Variants in KHDRBS2 observed in about 807,000 individuals in gnomAD.
KHDRBS2 encodes KH domain-containing, RNA-binding, signal transduction-associated protein 2.
Under a neutral mutation model 44.3 loss-of-function variants are expected in KHDRBS2, and 26 were observed. The observed-to-expected ratio is 0.59, with a 90% CI of 0.43 to 0.81. The LOEUF (loss-of-function observed/expected upper bound fraction) is 0.81, where lower values mean the gene tolerates loss of function less well. KHDRBS2 is among the 40% of genes least tolerant of loss of function. The pLI, the probability that KHDRBS2 is intolerant of heterozygous loss-of-function variation, is 0.00. For synonymous variants in KHDRBS2, 194 were observed against 151.1 expected (o/e 1.28, Z -2.08); for missense variants, 476 against 433.1 (o/e 1.10, Z -0.88).
chr6:61,969,289 G>A (rs1583863135), intron 4 of KHDRBS2, among the ~76,000 whole-genome samples: 1 of 152,098 alleles, frequency 6.6e-6, no homozygotes, highest in East Asian at 1.9e-4. Context: ...CTAGAGAAAA[G>A]GTTATTCTCC....
chr6:61,635,398 T>C, the KHDRBS2 span, among the ~76,000 whole-genome samples: 1 of 151,980 alleles, frequency 6.6e-6, no homozygotes, highest in Non-Finnish European at 1.5e-5. Context: ...AAAACCGTAA[T>C]GTCTGCAAAT....
Position 61,945,129 on chromosome 6 carries a change from A to G in KHDRBS2, c.483+32937T>C, listed in dbSNP as rs769942776. ...AAAAAAAAAGTATATATATATATAT[A>G]TATATATATATATATATATATACAC... On this transcript the variant is annotated intron_variant, in intron 4 of 8. Transcript: ENST00000281156. Among the ~76,000 whole-genome samples the G allele has an allele frequency of 6.1e-3, 374 of 61,528 alleles. 10 individuals carry two copies. Among genetic ancestry groups the G allele is most frequent in the Middle Eastern group, 0.019 (2 of 104 alleles). 40.4% of individuals were successfully genotyped at this position (61,528 alleles called of 152,430 possible). A position where few individuals can be genotyped will look rare whatever the true frequency, so the allele number is the denominator to read the frequency against.
chr6:62,237,481 T>C (rs553496826), intron 1 of KHDRBS2, among the ~76,000 whole-genome samples: 2 of 151,942 alleles, frequency 1.3e-5, no homozygotes, highest in African/African-American at 2.4e-5. Flanking sequence ...TCTAAAAGAG[T>C]TCTGGCTTGG....
At chr6:61,791,391 G>C (rs1333710863) in intron 6 of KHDRBS2, among the ~76,000 whole-genome samples, 2 of 151,036 alleles carry the variant, frequency 1.3e-5, no homozygotes, top group South Asian at 4.2e-4. Context: ...TCCAAGTATT[G>C]CTTTAACTAC....
At chr6:62,170,904 C>G (rs1255176222) in intron 2 of KHDRBS2, among the ~76,000 whole-genome samples, 1 of 150,592 alleles carries the variant, frequency 6.6e-6, no homozygotes, top group African/African-American at 2.4e-5. Flanking sequence ...TGACTGAACC[C>G]GCCTTATACC....
chr6:61,805,380 C>T (rs1786985832), intron 6 of KHDRBS2, among the ~76,000 whole-genome samples: 1 of 152,130 alleles, frequency 6.6e-6, no homozygotes, highest in African/African-American at 2.4e-5. Flanking sequence ...AATAAGTCAC[C>T]AGGAAGTTCC....
chr6:61,648,629 G>A, the KHDRBS2 span, among the ~76,000 whole-genome samples: 1 of 152,096 alleles, frequency 6.6e-6, no homozygotes, highest in Non-Finnish European at 1.5e-5. Flanking sequence ...ATAATATGTG[G>A]CAAAGCAATT....
At chr6:61,874,694 A>G (rs1799158842) in intron 6 of KHDRBS2, among the ~76,000 whole-genome samples, 1 of 152,174 alleles carries the variant, frequency 6.6e-6, no homozygotes, top group Admixed American at 6.6e-5. Flanking sequence ...AAATCTGAAC[A>G]GCCAAGTCCG....
At chr6:61,864,524 G>T (rs1562328594) in intron 6 of KHDRBS2, among the ~76,000 whole-genome samples, 2 of 152,002 alleles carry the variant, frequency 1.3e-5, no homozygotes, top group Non-Finnish European at 2.9e-5. Flanking sequence ...TACTTATGAG[G>T]CTTAATTTGG....
At chr6:61,885,717 G>A (rs1395540949) in intron 6 of KHDRBS2, among the ~76,000 whole-genome samples, 2 of 152,134 alleles carry the variant, frequency 1.3e-5, no homozygotes, top group African/African-American at 2.4e-5. Context: ...TGACAGGTGA[G>A]GATGTCACCT....
At chr6:62,098,286 T>C (rs1434532356) in intron 2 of KHDRBS2, among the ~76,000 whole-genome samples, 1 of 151,666 alleles carries the variant, frequency 6.6e-6, no homozygotes, top group Non-Finnish European at 1.5e-5. Flanking sequence ...CCTCTTTCTT[T>C]CAGTATAAAG....
intron 4 of KHDRBS2, among the ~76,000 whole-genome samples, chr6:61,913,697 T>C (rs950756961): frequency 6.6e-6 from 1 of 151,862 alleles, no homozygotes; most frequent in African/African-American, 2.4e-5. Context: ...AGCAACAGGA[T>C]TGAGAGACTG....
chr6:62,118,814 C>A (rs1326017931), intron 2 of KHDRBS2, among the ~76,000 whole-genome samples: 1 of 152,112 alleles, frequency 6.6e-6, no homozygotes, highest in Non-Finnish European at 1.5e-5. Flanking sequence ...TTTGGCTTAC[C>A]CCAGTAATTT....
At chr6:61,645,051 A>G in the KHDRBS2 span, among the ~76,000 whole-genome samples, 10 of 152,162 alleles carry the variant, frequency 6.6e-5, no homozygotes, top group Admixed American at 5.9e-4. Context: ...AATAGCAAAG[A>G]CATGGAATCA....
rs138023910 is a variant in KHDRBS2 at position 62,276,042 on chromosome 6, T to C, written c.91+9816A>G. On this transcript the variant is annotated intron_variant, in intron 1 of 8. Coordinates refer to ENST00000281156, the MANE Select transcript of KHDRBS2 (RefSeq NM_152688.4). ...TTTCTATCACAGAAGCTCCCTCTCC[T>C]GAGTTGCAGTCAGGGCTCATCATTA... 4.2e-3 allele frequency among the ~76,000 whole-genome samples: 644 copies of C among 152,322 alleles called. 2 individuals carry two copies. The highest frequency in any genetic ancestry group is 0.01 in the Middle Eastern group (3 of 294).
the KHDRBS2 span, among the ~76,000 whole-genome samples, chr6:61,666,739 C>T: frequency 1.3e-5 from 2 of 151,458 alleles, no homozygotes; most frequent in African/African-American, 4.8e-5. Flanking sequence ...AATTGTAAAA[C>T]ACTAAACTCT....
At chr6:61,904,864 C>T (rs1232960447) in intron 4 of KHDRBS2, among the ~76,000 whole-genome samples, 1 of 152,162 alleles carries the variant, frequency 6.6e-6, no homozygotes, top group Non-Finnish European at 1.5e-5. Flanking sequence ...CCCATTATTA[C>T]ATCTGCTTCT....
chr6:62,264,122 A>T (rs1163830157), intron 1 of KHDRBS2, among the ~76,000 whole-genome samples: 1 of 151,816 alleles, frequency 6.6e-6, no homozygotes, highest in Admixed American at 6.6e-5. Flanking sequence ...CAGAAAAAAG[A>T]TGTAAACAAT....
chr6:61,855,643 G>T (rs1197021535), intron 6 of KHDRBS2, among the ~76,000 whole-genome samples: 1 of 151,650 alleles, frequency 6.6e-6, no homozygotes, highest in Non-Finnish European at 1.5e-5. Flanking sequence ...GTTTTGTTTT[G>T]TTTTGTTTTG....
Sources: gnomAD v4.1 joint callset for allele counts (sites outside exome capture counted in the v4.1 genomes callset) on GRCh38, gnomAD v4.1.1 for gene constraint, MANE v1.5 for transcripts, NCBI Gene and HGNC (gene_info 2026-07-23, HGNC 2026-07-21) for gene names.